Variants in EPC2 observed in about 807,000 individuals in gnomAD.
The protein encoded by EPC2 is enhancer of polycomb homolog 2.
A neutral mutation model predicts 92.1 loss-of-function variants in EPC2; 14 were observed. That is an observed-to-expected ratio of 0.15 (90% CI 0.10 to 0.24). The LOEUF is 0.24. Ranked by LOEUF, EPC2 falls within the 10% of genes least tolerant of loss-of-function variation. EPC2 has a pLI of 1.00. For synonymous variants in EPC2, 340 were observed against 334.7 expected (o/e 1.02, Z -0.17); for missense variants, 755 against 971.5 (o/e 0.78, Z 2.96).
intron 2 of EPC2, among the ~76,000 whole-genome samples, chr2:148,739,089 C>T (rs972802168): frequency 1.3e-5 from 2 of 152,116 alleles, no homozygotes; most frequent in Admixed American, 6.5e-5. Flanking sequence ...GTTCACAGTT[C>T]GTCACTCCTT....
At chr2:148,649,175 T>C (rs182004122) in intron 1 of EPC2, among the ~76,000 whole-genome samples, 91 of 152,358 alleles carry the variant, frequency 6.0e-4, no homozygotes, top group South Asian at 3.5e-3. Flanking sequence ...TATTATTTCA[T>C]TTAATCCTTT....
At chr2:148,720,774 G>A (rs889177360) in intron 2 of EPC2, among the ~76,000 whole-genome samples, 3 of 152,150 alleles carry the variant, frequency 2.0e-5, no homozygotes, top group African/African-American at 4.8e-5. Flanking sequence ...GGGCCGCCGC[G>A]CCACCCTGCT....
At chr2:148,715,609 C>A in intron 2 of EPC2, among the ~76,000 whole-genome samples, 1 of 152,120 alleles carries the variant, frequency 6.6e-6, no homozygotes. Flanking sequence ...TAATATCATG[C>A]TGTTTTGGTT....
At chr2:148,689,945 A>T (rs1681611194) in intron 1 of EPC2, among the ~76,000 whole-genome samples, 1 of 152,050 alleles carries the variant, frequency 6.6e-6, no homozygotes. Context: ...TTGTAATTGA[A>T]ATTTTATATT....
chr2:148,743,652 A>T lies in EPC2; in HGVS notation c.344A>T (p.Tyr115Phe). Residue 115 changes from tyrosine (Y) to phenylalanine (F), a missense_variant, in exon 3 of 14, where the codon TAT (tyrosine) becomes TTT (phenylalanine). This residue lies in a region of EPC2 where 509 missense variants were observed against 607.7 expected (regional missense o/e 0.84). Coordinates refer to ENST00000258484, the MANE Select transcript of EPC2 (RefSeq NM_015630.4). Reference sequence around the variant, plus strand: ...AATCTAGACAACGAGCAACCAGATTATGATATGGATTCAGAAGATGAGACT... The same window carrying T: ...AATCTAGACAACGAGCAACCAGATTTTGATATGGATTCAGAAGATGAGACT... ...PFNLDNEQPD[Y>F]DMDSEDETLL... is the part of the protein sequence containing the mutation. The T allele has an allele frequency of 1.3e-6, 2 of 1,593,648 alleles. No homozygotes were observed. The highest frequency in any genetic ancestry group is 1.7e-4 in the Middle Eastern group (1 of 5,934).
At chr2:148,743,518 AGTCAGTGCACT>A in intron 2 of EPC2, 93 bp from the exon 3 acceptor site, 1 of 824,750 alleles carries the variant, frequency 1.2e-6, no homozygotes, top group African/African-American at 1.8e-5. Context: ...GCTCCCCTTT[AGTCAGTGCACT>A]GTAATTTAGA....
intron 2 of EPC2, chr2:148,692,250 GTCT>G (rs1344838614): frequency 6.0e-6 from 1 of 167,718 alleles, no homozygotes; most frequent in Non-Finnish European, 1.3e-5. Context: ...CACTCTACCT[GTCT>G]TCTTTGCTTA....
At chr2:148,727,867 A>G (rs928510559) in intron 2 of EPC2, among the ~76,000 whole-genome samples, 1 of 152,096 alleles carries the variant, frequency 6.6e-6, no homozygotes, top group Non-Finnish European at 1.5e-5. Context: ...AGAAAAGTGT[A>G]TAAAAATAAA....
chr2:148,688,535 A>G (rs1681576405), intron 1 of EPC2, among the ~76,000 whole-genome samples: 1 of 152,184 alleles, frequency 6.6e-6, no homozygotes, highest in African/African-American at 2.4e-5. Flanking sequence ...CACATTGTAC[A>G]CATGTGCCCT....
At chr2:148,776,485 G>T (rs567523414) in intron 10 of EPC2, among the ~76,000 whole-genome samples, 30 of 152,118 alleles carry the variant, frequency 2.0e-4, no homozygotes, top group African/African-American at 7.2e-4. Flanking sequence ...GTCTTTCACT[G>T]TAAGAGTTAC....
intron 4 of EPC2, among the ~76,000 whole-genome samples, chr2:148,756,201 C>G (rs546873480): frequency 6.6e-6 from 1 of 152,324 alleles, no homozygotes; most frequent in Non-Finnish European, 1.5e-5. Context: ...CCTACCCTTT[C>G]TCTTGTTTGT....
intron 1 of EPC2, among the ~76,000 whole-genome samples, chr2:148,674,199 A>G (rs797020362): frequency 6.6e-6 from 1 of 152,106 alleles, no homozygotes; most frequent in African/African-American, 2.4e-5. Context: ...TAATTTCCCA[A>G]TTAGAGAGGT....
intron 10 of EPC2, among the ~76,000 whole-genome samples, chr2:148,774,995 A>G (rs1035007424): frequency 6.6e-6 from 1 of 151,634 alleles, no homozygotes; most frequent in African/African-American, 2.4e-5. Context: ...AGGTTGAGGC[A>G]GGAGAATGGC....
At chr2:148,779,420 A>G (rs1188152221) in intron 10 of EPC2, among the ~76,000 whole-genome samples, 2 of 152,118 alleles carry the variant, frequency 1.3e-5, no homozygotes, top group Non-Finnish European at 2.9e-5. Context: ...TGGGTATACA[A>G]AAAATTTCTA....
At chr2:148,658,060 G>A (rs532706764) in intron 1 of EPC2, among the ~76,000 whole-genome samples, 1 of 152,224 alleles carries the variant, frequency 6.6e-6, no homozygotes, top group South Asian at 2.1e-4. Flanking sequence ...ACATAATAGG[G>A]TTAAGTTCTC....
chr2:148,691,642 C>T (rs117109629), intron 2 of EPC2: 14 of 1,544,644 alleles, frequency 9.1e-6, no homozygotes, highest in Admixed American at 7.8e-5. Flanking sequence ...CACTACCAAC[C>T]GGAGACCACG....
chr2:148,703,515 G>C (rs1212709919), intron 2 of EPC2, among the ~76,000 whole-genome samples: 1 of 151,992 alleles, frequency 6.6e-6, no homozygotes, highest in Non-Finnish European at 1.5e-5. Flanking sequence ...TGAAAAATGA[G>C]GGTTTTTGTT....
chr2:148,726,756 T>C (rs1354139174), intron 2 of EPC2, among the ~76,000 whole-genome samples: 6 of 130,578 alleles, frequency 4.6e-5, no homozygotes, highest in Non-Finnish European at 1.1e-4. Flanking sequence ...TTTTTTTGTT[T>C]TGTTTTTTGT....
chr2:148,663,257 C>A (rs915885457), intron 1 of EPC2, among the ~76,000 whole-genome samples: 2 of 145,788 alleles, frequency 1.4e-5, no homozygotes, highest in African/African-American at 5.0e-5. Flanking sequence ...CAGAGTCTCT[C>A]GCCCAAGCTG....
Sources: allele counts gnomAD v4.1 joint callset (sites outside exome capture counted in the v4.1 genomes callset), GRCh38; gene constraint gnomAD v4.1.1; regional missense constraint gnomAD v4.1.1; transcripts MANE v1.5; gene names NCBI Gene and HGNC (gene_info 2026-07-23, HGNC 2026-07-21).